Variants in DCC observed in about 807,000 individuals in gnomAD.
DCC encodes DCC netrin 1 receptor.
DCC carries 58 observed loss-of-function variants against 172.5 expected under a neutral mutation model. That is an observed-to-expected ratio of 0.34 (90% CI 0.27 to 0.42). The LOEUF is 0.42. DCC is among the 10% of genes least tolerant of loss of function. The pLI is 1.00. For synonymous variants in DCC, 709 were observed against 644.5 expected (o/e 1.10, Z -1.52); for missense variants, 1,740 against 1,791.0 (o/e 0.97, Z 0.51).
At chr18:53,483,992 TA>T (rs2045870282) in intron 25 of DCC, among the ~76,000 whole-genome samples, 1 of 151,590 alleles carries the variant, frequency 6.6e-6, no homozygotes, top group African/African-American at 2.4e-5. Context: ...GATAGATAGA[TA>T]GATAGATAGA....
At chr18:53,239,227 GAAAA>G (rs533743206) in intron 12 of DCC, among the ~76,000 whole-genome samples, 19 of 126,720 alleles carry the variant, frequency 1.5e-4, no homozygotes, top group African/African-American at 4.9e-4. Context: ...AAATAAAAAT[GAAAA>G]AAAAAAAACT....
At chr18:52,824,807 C>G (rs1055444154) in intron 2 of DCC, among the ~76,000 whole-genome samples, 1 of 151,952 alleles carries the variant, frequency 6.6e-6, no homozygotes, top group African/African-American at 2.4e-5. Flanking sequence ...CCCGTCTCTA[C>G]TAAAATACAA....
chr18:53,081,534 ACCT>A (rs1426582454), intron 7 of DCC, among the ~76,000 whole-genome samples: 6 of 151,498 alleles, frequency 4.0e-5, no homozygotes, highest in Admixed American at 2.6e-4. Flanking sequence ...AAAAAAAAAG[ACCT>A]CCTCCACTCT....
intron 1 of DCC, among the ~76,000 whole-genome samples, chr18:52,543,105 A>G (rs1188003056): frequency 6.6e-6 from 1 of 152,192 alleles, no homozygotes; most frequent in African/African-American, 2.4e-5. Context: ...TGAGTTCTTT[A>G]TCAAATAGAG....
intron 7 of DCC, among the ~76,000 whole-genome samples, chr18:53,081,748 T>C (rs1201872311): frequency 6.6e-6 from 1 of 152,102 alleles, no homozygotes; most frequent in African/African-American, 2.4e-5. Context: ...TGTGTAATTG[T>C]AATTGGTGAT....
chr18:53,260,740 G>T (rs559429489), intron 12 of DCC, among the ~76,000 whole-genome samples: 1 of 152,098 alleles, frequency 6.6e-6, no homozygotes, highest in Admixed American at 6.5e-5. Flanking sequence ...TGTCAGACAG[G>T]GACATTTAAG....
intron 2 of DCC, among the ~76,000 whole-genome samples, chr18:52,829,018 T>A (rs1170473668): frequency 6.6e-6 from 1 of 152,228 alleles, no homozygotes; most frequent in Non-Finnish European, 1.5e-5. Context: ...GCTTATATAA[T>A]TAAAATACAA....
At chr18:52,874,265 A>G (rs1256483879) in intron 2 of DCC, among the ~76,000 whole-genome samples, 4 of 152,204 alleles carry the variant, frequency 2.6e-5, no homozygotes, top group Non-Finnish European at 5.9e-5. Flanking sequence ...ACTTTTAATG[A>G]CAGACAAAGA....
intron 12 of DCC, among the ~76,000 whole-genome samples, chr18:53,283,699 T>C (rs2056899797): frequency 6.6e-6 from 1 of 152,236 alleles, no homozygotes; most frequent in East Asian, 1.9e-4. Flanking sequence ...AGGATTACAA[T>C]TGTATATAAT....
chr18:52,594,597 G>T (rs909977167), intron 1 of DCC, among the ~76,000 whole-genome samples: 3 of 152,164 alleles, frequency 2.0e-5, no homozygotes, highest in Non-Finnish European at 1.5e-5. Flanking sequence ...AAATACCAGA[G>T]ACTGGATAAT....
intron 15 of DCC, among the ~76,000 whole-genome samples, chr18:53,351,398 AGT>A (rs1491455204): frequency 1.4e-3 from 19 of 14,072 alleles, no homozygotes; most frequent in East Asian, 0.011. Flanking sequence ...ATATATATAC[AGT>A]GTATATATAT....
At chr18:53,467,146 A>G (rs1234673656) in intron 24 of DCC, among the ~76,000 whole-genome samples, 1 of 152,138 alleles carries the variant, frequency 6.6e-6, no homozygotes, top group South Asian at 2.1e-4. Flanking sequence ...TAACCTTATT[A>G]CATAGATATA....
At chr18:53,157,319 G>A (rs1244868335) in intron 7 of DCC, 37 bp from the exon 8 acceptor site, 2 of 1,613,414 alleles carry the variant, frequency 1.2e-6, no homozygotes, top group Non-Finnish European at 8.5e-7. Context: ...ACCTATGGCA[G>A]CGACACCTCT....
rs1353642760 is a variant in DCC at position 53,376,179 on chromosome 18, G to A, written c.2360-9864G>A. On this transcript the variant is annotated intron_variant, in intron 15 of 28. Transcript: ENST00000442544. Reference sequence around the variant, plus strand: ...GGCTGAGGCAGGCGGATCACTTGAGGTCAGGAGTTCGAGAACAACCTGGCC... The same window carrying A: ...GGCTGAGGCAGGCGGATCACTTGAGATCAGGAGTTCGAGAACAACCTGGCC... Among the ~76,000 whole-genome samples, 3 of 152,062 alleles carry A rather than the reference G, an allele frequency of 2.0e-5. No homozygotes were observed. The East Asian group carries it at 5.8e-4, about 29-fold the overall frequency.
At position 53,535,422 on chromosome 18, in the gene DCC, A is replaced by G. The variant is rs2046564954; in HGVS notation, c.*4769A>G. On this transcript the variant is annotated 3_prime_UTR_variant, in exon 29 of 29. Coordinates refer to ENST00000442544, the MANE Select transcript of DCC (RefSeq NM_005215.4). ...CCCTTTTTAGGGTCATTCAAAGAAG[A>G]TAACACCAAACCTAAATAATTCTGA... 6.6e-6 allele frequency: 1 copy of G among 152,230 alleles called. No homozygotes were observed. Among genetic ancestry groups the G allele is most frequent in the Non-Finnish European group, 1.5e-5 (1 of 68,046 alleles). 9.4% of individuals were successfully genotyped at this position (152,230 alleles called of 1,614,324 possible).
intron 2 of DCC, among the ~76,000 whole-genome samples, chr18:52,890,606 C>T (rs1277187265): frequency 1.3e-5 from 2 of 152,078 alleles, no homozygotes; most frequent in African/African-American, 4.8e-5. Context: ...TCACATATCA[C>T]TCATAGGTGG....
intron 1 of DCC, among the ~76,000 whole-genome samples, chr18:52,571,496 T>C (rs2033291869): frequency 6.6e-6 from 1 of 152,148 alleles, no homozygotes; most frequent in African/African-American, 2.4e-5. Context: ...AACTTTTGAC[T>C]AGTCTTACTC....
intron 1 of DCC, among the ~76,000 whole-genome samples, chr18:52,747,678 C>T (rs1011981385): frequency 6.6e-6 from 1 of 152,054 alleles, no homozygotes; most frequent in African/African-American, 2.4e-5. Context: ...ATTAAATCAG[C>T]GTAGTTGATT....
At chr18:52,970,742 C>G (rs530720064) in intron 5 of DCC, among the ~76,000 whole-genome samples, 1 of 152,210 alleles carries the variant, frequency 6.6e-6, no homozygotes, top group East Asian at 1.9e-4. Context: ...ATGCCATAGA[C>G]TAAGCATTGG....
Sources: allele counts gnomAD v4.1 joint callset (sites outside exome capture counted in the v4.1 genomes callset), GRCh38; gene constraint gnomAD v4.1.1; transcripts MANE v1.5; gene names NCBI Gene and HGNC (gene_info 2026-07-23, HGNC 2026-07-21).